The following FSIP2 variants were observed in gnomAD, a reference collection of about 807,000 sequenced individuals.
FSIP2 encodes fibrous sheath-interacting protein 2.
In FSIP2, 367 loss-of-function variants were observed where a neutral mutation model predicts 510.5. The observed-to-expected ratio is 0.72, with a 90% CI of 0.66 to 0.78. The LOEUF is 0.78. Among genes scored for constraint, FSIP2 ranks in the 30% least tolerant of loss-of-function variants. The pLI is 0.00. For missense variants in FSIP2, 7,594 were observed against 7,901.7 expected, an observed-to-expected ratio of 0.96 and a Z score of 1.48; for synonymous variants, 2,601 against 2,732.2, an observed-to-expected ratio of 0.95 and a Z score of 1.50.
Position 185,790,096 on chromosome 2 carries a change from G to A in FSIP2, c.2960G>A (p.Arg987Lys). 1 of 1,533,856 alleles carries A rather than the reference G, an allele frequency of 6.5e-7. No homozygotes were observed. The highest frequency in any genetic ancestry group is 8.7e-7 in the Non-Finnish European group (1 of 1,145,412). The change falls in exon 16 of 23, where the codon AGA (arginine) becomes AAA (lysine). Residue 987 changes from arginine (R) to lysine (K), a missense_variant. Physicochemically the swap from Arg to Lys is conservative, Grantham distance 26. Transcript: ENST00000424728. ...TTATCAAATAGTCCTAGGTCTGGAA[G>A]ACCATTTCCACCTATAAATGTTCCA... Reference protein sequence around the residue: ...TRLSNSPRSGRPFPPINVPGM... With the variant: ...TRLSNSPRSGKPFPPINVPGM...
At chr2:185,827,287 A>T (rs574917467) in intron 20 of FSIP2, among the ~76,000 whole-genome samples, 2 of 151,906 alleles carry the variant, frequency 1.3e-5, no homozygotes, top group South Asian at 4.1e-4. Context: ...ATATTGGCCC[A>T]AAGGGTACTT....
Position 185,813,839 on chromosome 2 carries a change from A to G in FSIP2, c.20122A>G (p.Ser6708Gly). The G allele has an allele frequency of 6.2e-7, 1 of 1,613,644 alleles. No individual in the cohort carries two copies. Among genetic ancestry groups the G allele is most frequent in the Non-Finnish European group, 8.5e-7 (1 of 1,179,770 alleles). The change falls in exon 18 of 23, where the codon AGC (serine) becomes GGC (glycine). Residue 6708 changes from serine to glycine, a missense_variant. Transcript: ENST00000424728. ...TCCTAAGTCAACACTAAGCACGAGC[A>G]GCCTGAAAAAATTTTTGTCACTAAG... ...LSPKSTLSTS[S>G]LKKFLSLSKC...
chr2:185,742,942 A>G (rs1238967104), intron 2 of FSIP2, among the ~76,000 whole-genome samples, 191 bp from the exon 3 acceptor site: 1 of 152,098 alleles, frequency 6.6e-6, no homozygotes, highest in Admixed American at 6.6e-5. Context: ...CTTTGGGATA[A>G]TTTATGCAGG....
Position 185,805,346 on chromosome 2 carries a change from C to T in FSIP2, c.16040C>T (p.Thr5347Ile). ...TCTTTTCCACCAATTGATAAAGAGA[C>T]AGTTGATAAAATATCCAATTTTGTA... is the stretch of plus-strand genomic sequence containing the variant. The part of the protein sequence containing the change: ...MFSFPPIDKE[T>I]VDKISNFVYE... The change falls in exon 17 of 23, where the codon ACA becomes ATA. Residue 5347 changes from threonine (T) to isoleucine (I), a missense_variant. Physicochemically the swap from Thr to Ile is moderately conservative, Grantham distance 89 (BLOSUM62 -1). Coordinates refer to ENST00000424728, the MANE Select transcript of FSIP2 (RefSeq NM_173651.4). 6.3e-7 allele frequency: 1 copy of T among 1,598,084 alleles called. No homozygotes were observed. Among genetic ancestry groups the T allele is most frequent in the South Asian group, 1.1e-5 (1 of 87,824 alleles).
chr2:185,786,559 T>C (rs921175107), intron 15 of FSIP2, among the ~76,000 whole-genome samples: 1 of 151,966 alleles, frequency 6.6e-6, no homozygotes, highest in South Asian at 2.1e-4. Context: ...TCTATAACCA[T>C]CATAGGAAGA....
intron 22 of FSIP2, 139 bp downstream of exon 22, chr2:185,832,021 C>T: frequency 1.6e-6 from 1 of 625,694 alleles, no homozygotes; most frequent in Non-Finnish European, 2.8e-6. Context: ...AAATAATATT[C>T]TTACTGTTTG....
chr2:185,824,391 T>A, intron 19 of FSIP2, 43 bp from the exon 20 acceptor site: 2 of 1,392,608 alleles, frequency 1.4e-6, no homozygotes, highest in Non-Finnish European at 2.0e-6. Context: ...CTTCTTCATT[T>A]ATCAAATTCA....
At position 185,813,437 on chromosome 2, in the gene FSIP2, T is replaced by G. The variant is rs1033996674; in HGVS notation, c.19828-108T>G. The G allele has an allele frequency of 1.6e-5, 9 of 558,988 alleles. No individual in the cohort carries two copies. In the African/African-American group the frequency reaches 1.8e-4, roughly 11 times the overall value. 34.6% of individuals were successfully genotyped at this position (558,988 alleles called of 1,614,324 possible). A position where few individuals can be genotyped will look rare whatever the true frequency, so the allele number is the denominator to read the frequency against. On this transcript the variant is annotated intron_variant, in intron 17 of 22. Transcript: ENST00000424728. ...ATAATTAAGTGATATTTGAAGATATTACTTAAATCAAAACTAGAAATTATA... is the reference window on the plus strand; with the variant it reads ...ATAATTAAGTGATATTTGAAGATATGACTTAAATCAAAACTAGAAATTATA...
chr2:185,792,741 T>C lies in FSIP2; in HGVS notation c.5605T>C (p.Tyr1869His), dbSNP rs1450683339. 2 of 1,534,146 alleles carry C rather than the reference T, an allele frequency of 1.3e-6. No individual in the cohort carries two copies. Among genetic ancestry groups the C allele is most frequent in the South Asian group, 1.2e-5 (1 of 84,026 alleles). Residue 1869 changes from tyrosine to histidine, a missense_variant, in exon 16 of 23, where the codon TAT (tyrosine) becomes CAT (histidine). Physicochemically the swap from Tyr to His is moderately conservative, Grantham distance 83. Coordinates refer to ENST00000424728, the MANE Select transcript of FSIP2 (RefSeq NM_173651.4). Reference sequence around the variant, plus strand: ...AGAAAGAAATGTAAGGGAAAATAGGTATAAAACTATCACTTTTTCAGCAAA... The same window carrying C: ...AGAAAGAAATGTAAGGGAAAATAGGCATAAAACTATCACTTTTTCAGCAAA... ...MTERNVRENR[Y>H]KTITFSANVS...
intron 13 of FSIP2, among the ~76,000 whole-genome samples, chr2:185,782,170 G>T (rs1444959772): frequency 6.6e-6 from 1 of 152,130 alleles, no homozygotes; most frequent in African/African-American, 2.4e-5. Flanking sequence ...GTTAAGTACT[G>T]AGGATATATG....
At chr2:185,771,013 T>C (rs976319748) in intron 13 of FSIP2, among the ~76,000 whole-genome samples, 1 of 152,064 alleles carries the variant, frequency 6.6e-6, no homozygotes, top group African/African-American at 2.4e-5. Context: ...TCCAAAATAA[T>C]CTCCCTTGAT....
At position 185,808,823 on chromosome 2, in the gene FSIP2, A is replaced by G. The variant is rs749644784; in HGVS notation, c.19517A>G (p.Glu6506Gly). Reference sequence around the variant, plus strand: ...AATGTGATTCCTGAATTAGAGCAAGAAAAGTTAGATCAAAATTTATCTGAA... The same window carrying G: ...AATGTGATTCCTGAATTAGAGCAAGGAAAGTTAGATCAAAATTTATCTGAA... ...AFNVIPELEQ[E>G]KLDQNLSEEE... Residue 6506 changes from glutamate to glycine, a missense_variant, in exon 17 of 23, where the codon GAA becomes GGA. Transcript: ENST00000424728. 54 of 1,612,662 alleles carry G rather than the reference A, an allele frequency of 3.3e-5. No homozygotes were observed. The highest frequency in any genetic ancestry group is 4.5e-5 in the Non-Finnish European group (53 of 1,179,456).
At chr2:185,763,399 T>TAAAA in intron 12 of FSIP2, 110 bp downstream of exon 12, 2 of 642,774 alleles carry the variant, frequency 3.1e-6, no homozygotes, top group East Asian at 5.5e-5. Flanking sequence ...AAAACAACTT[T>TAAAA]ATTCCCTGAA....
At chr2:185,777,293 C>T (rs1011749593) in intron 13 of FSIP2, among the ~76,000 whole-genome samples, 1 of 151,884 alleles carries the variant, frequency 6.6e-6, no homozygotes, top group African/African-American at 2.4e-5. Context: ...TAATCCTGTC[C>T]CCATAACACA....
At chr2:185,826,473 T>G (rs141944247) in intron 20 of FSIP2, among the ~76,000 whole-genome samples, 1 of 151,972 alleles carries the variant, frequency 6.6e-6, no homozygotes, top group Non-Finnish European at 1.5e-5. Flanking sequence ...TGTTCATTCC[T>G]TACTTTCAGA....
rs548677096 is a variant in FSIP2 at position 185,789,720 on chromosome 2, T to G, written c.2584T>G (p.Cys862Gly). 2 of 1,534,328 alleles carry G rather than the reference T, an allele frequency of 1.3e-6. No homozygotes were observed. Among genetic ancestry groups the G allele is most frequent in the Admixed American group, 2.0e-5 (1 of 50,830 alleles). The change falls in exon 16 of 23, where the codon TGT becomes GGT. Residue 862 changes from cysteine (C) to glycine (G), a missense_variant. Coordinates refer to ENST00000424728, the MANE Select transcript of FSIP2 (RefSeq NM_173651.4). ...CCAGCAACATAAGACAGACCCAATATGTATGTTCCTTCAAAGAGCTGGCAA... is the reference window on the plus strand; with the variant it reads ...CCAGCAACATAAGACAGACCCAATAGGTATGTTCCTTCAAAGAGCTGGCAA... ...SCQQHKTDPI[C>G]MFLQRAGKNK...
upstream of FSIP2, among the ~76,000 whole-genome samples, chr2:185,737,287 T>C (rs1191966417): frequency 6.6e-6 from 1 of 152,164 alleles, no homozygotes; most frequent in Non-Finnish European, 1.5e-5. Context: ...AAGAAACTGA[T>C]ACAGAGACCA....
chr2:185,820,599 T>C lies in FSIP2; in HGVS notation c.20427-3835T>C, dbSNP rs183358399. 5.5e-3 allele frequency among the ~76,000 whole-genome samples: 838 copies of C among 151,752 alleles called. 5 individuals carry two copies. Among genetic ancestry groups the C allele is most frequent in the South Asian group, 0.013 (64 of 4,824 alleles). On this transcript the variant is annotated intron_variant, in intron 19 of 22. Coordinates refer to ENST00000424728, the MANE Select transcript of FSIP2 (RefSeq NM_173651.4). ...ATATCTTAGGCCACAAAATGAGTCT[T>C]AATAAATTTTAAAAGTCTGAATATA...
intron 12 of FSIP2, 28 bp from the exon 13 acceptor site, chr2:185,764,474 A>G (rs774257075): frequency 1.4e-6 from 2 of 1,473,600 alleles, no homozygotes; most frequent in South Asian, 2.5e-5. Flanking sequence ...TTGTGGATCT[A>G]TTTGTTTTGC....
Sources: allele counts gnomAD v4.1 joint callset (sites outside exome capture counted in the v4.1 genomes callset), GRCh38; gene constraint gnomAD v4.1.1; transcripts MANE v1.5; gene names NCBI Gene and HGNC (gene_info 2026-07-23, HGNC 2026-07-21).